The following AGBL1 variants were observed in gnomAD, a reference collection of about 807,000 sequenced individuals.
The protein encoded by AGBL1 is cytosolic carboxypeptidase 4.
In AGBL1, 130 loss-of-function variants were observed where a neutral mutation model predicts 118.9. The ratio of observed to expected loss-of-function variants is 1.09; its 90% CI spans 0.95 to 1.26. The LOEUF (loss-of-function observed/expected upper bound fraction) is 1.26, where lower values mean the gene tolerates loss of function less well. AGBL1 is among the 50% of genes most tolerant of loss of function. The pLI is 0.00. For synonymous variants in AGBL1, 555 were observed against 478.9 expected, an observed-to-expected ratio of 1.16 and a Z score of -2.08; for missense variants, 1,584 against 1,298.1, an observed-to-expected ratio of 1.22 and a Z score of -3.38.
chr15:86,776,023 C>T (rs2078250675), intron 22 of AGBL1, among the ~76,000 whole-genome samples: 1 of 152,258 alleles, frequency 6.6e-6, no homozygotes, highest in East Asian at 1.9e-4. Context: ...GTTTCTTTAG[C>T]AATCCAACCT....
intron 17 of AGBL1, among the ~76,000 whole-genome samples, chr15:86,335,198 G>A (rs976845771): frequency 2.0e-5 from 3 of 151,978 alleles, no homozygotes; most frequent in Admixed American, 2.0e-4. Context: ...GAGTGTAGTG[G>A]CGTGATCTCG....
intron 1 of AGBL1, among the ~76,000 whole-genome samples, chr15:86,092,758 A>G (rs1323107359): frequency 6.6e-6 from 1 of 152,146 alleles, no homozygotes; most frequent in Non-Finnish European, 1.5e-5. Context: ...GATAGAAGGC[A>G]TCACATGATG....
rs149878072 is a variant in AGBL1 at position 86,812,580 on chromosome 15, G to T, written c.3159-94507G>T. 4.9e-3 allele frequency among the ~76,000 whole-genome samples: 742 copies of T among 152,210 alleles called. 4 individuals carry two copies. The highest frequency in any genetic ancestry group is 0.02 in the Middle Eastern group (6 of 294). ...CCCAAGACATGAAATTAGCTAAATGGACAGTGGTGATCCTGGTACGTGCTT... is the reference window on the plus strand; with the variant it reads ...CCCAAGACATGAAATTAGCTAAATGTACAGTGGTGATCCTGGTACGTGCTT... On this transcript the variant is annotated intron_variant, in intron 22 of 22. Transcript: ENST00000614907.
chr15:86,102,086 G>C (rs1399904285), intron 1 of AGBL1, among the ~76,000 whole-genome samples: 2 of 150,572 alleles, frequency 1.3e-5, no homozygotes. Context: ...TCTTGCCCAG[G>C]CTGGAGTGCA....
At chr15:86,622,238 G>T (rs977023772) in intron 21 of AGBL1, among the ~76,000 whole-genome samples, 1 of 151,304 alleles carries the variant, frequency 6.6e-6, no homozygotes, top group African/African-American at 2.4e-5. Context: ...GCTGAGTCAG[G>T]AGAATCTCTT....
intron 1 of AGBL1, among the ~76,000 whole-genome samples, chr15:86,086,765 T>C (rs148391775): frequency 0.012 from 1,851 of 152,294 alleles, 17 homozygotes; most frequent in Non-Finnish European, 0.018. Flanking sequence ...TTGCTTAACT[T>C]TGTGCGATTC....
chr15:86,708,887 A>G (rs910047838), intron 22 of AGBL1, among the ~76,000 whole-genome samples: 2 of 152,058 alleles, frequency 1.3e-5, no homozygotes, highest in Non-Finnish European at 2.9e-5. Context: ...GCCAAGTCCT[A>G]AATCATCCAT....
chr15:86,580,576 T>C (rs775675273), intron 21 of AGBL1, among the ~76,000 whole-genome samples: 4 of 152,160 alleles, frequency 2.6e-5, no homozygotes, highest in Non-Finnish European at 4.4e-5. Flanking sequence ...CTTTTGTTTT[T>C]AGTTGACATA....
At chr15:86,581,669 G>A (rs1261719245) in intron 21 of AGBL1, among the ~76,000 whole-genome samples, 2 of 152,116 alleles carry the variant, frequency 1.3e-5, no homozygotes, top group Non-Finnish European at 2.9e-5. Flanking sequence ...GTTGAGTACA[G>A]CTGTCATGAG....
intron 5 of AGBL1, among the ~76,000 whole-genome samples, chr15:86,224,028 G>C (rs774030791): frequency 6.6e-6 from 1 of 152,182 alleles, no homozygotes; most frequent in South Asian, 2.1e-4. Context: ...AGTCTTGGAA[G>C]TGTGATCTAG....
rs772347188 is a variant in AGBL1 at position 86,264,610 on chromosome 15, C to A, written c.1439C>A (p.Ala480Asp). The A allele has an allele frequency of 9.9e-6, 16 of 1,613,720 alleles. No homozygotes were observed. Among genetic ancestry groups the A allele is most frequent in the East Asian group, 2.2e-5 (1 of 44,894 alleles). ...GCAATTTTCTGCCCAAGGATGAGTG[C>A]CTCCTTTTCTAATTCCACTAGGACT... ...VDAIFCPRMS[A>D]SFSNSTRTRE... Residue 480 changes from alanine to aspartate, a missense_variant, in exon 11 of 23, where the codon GCC becomes GAC. Physicochemically the swap from Ala to Asp is moderately radical, Grantham distance 126 (BLOSUM62 -2). Transcript: ENST00000614907.
intron 22 of AGBL1, among the ~76,000 whole-genome samples, chr15:86,786,934 T>G (rs569119862): frequency 1.3e-4 from 20 of 152,286 alleles, no homozygotes; most frequent in Non-Finnish European, 2.2e-4. Flanking sequence ...CTTCTGGATG[T>G]TGCCAAATTG....
At chr15:86,164,408 G>T (rs1269875737) in intron 5 of AGBL1, among the ~76,000 whole-genome samples, 4 of 152,102 alleles carry the variant, frequency 2.6e-5, no homozygotes, top group Non-Finnish European at 4.4e-5. Flanking sequence ...ATTTATTGAG[G>T]CAGACAGATT....
intron 24 of AGBL1, among the ~76,000 whole-genome samples, chr15:86,997,700 T>C (rs1023361424): frequency 5.9e-5 from 9 of 152,092 alleles, no homozygotes; most frequent in African/African-American, 2.2e-4. Context: ...GATTATTAAA[T>C]TACACAGAGA....
At chr15:86,870,255 T>G (rs1032106969) in intron 22 of AGBL1, among the ~76,000 whole-genome samples, 3 of 151,812 alleles carry the variant, frequency 2.0e-5, no homozygotes, top group African/African-American at 7.3e-5. Flanking sequence ...ATACTTTATC[T>G]CTATTTTTCA....
At chr15:86,970,616 A>T (rs1483516103) in intron 23 of AGBL1, among the ~76,000 whole-genome samples, 1 of 151,912 alleles carries the variant, frequency 6.6e-6, no homozygotes, top group African/African-American at 2.4e-5. Context: ...CATGGTACCT[A>T]GGTTTGATTT....
At chr15:86,586,483 A>G in intron 21 of AGBL1, among the ~76,000 whole-genome samples, 1 of 152,198 alleles carries the variant, frequency 6.6e-6, no homozygotes, top group Non-Finnish European at 1.5e-5. Context: ...ATAGTCGAGT[A>G]ACATGTCCAA....
chr15:86,208,915 C>A (rs947449165), intron 5 of AGBL1, among the ~76,000 whole-genome samples: 4 of 152,100 alleles, frequency 2.6e-5, no homozygotes, highest in Admixed American at 6.5e-5. Context: ...GTTAGGGTGT[C>A]GATTTTAGAT....
intron 21 of AGBL1, among the ~76,000 whole-genome samples, chr15:86,618,241 C>T (rs1428801703): frequency 6.6e-6 from 1 of 152,124 alleles, no homozygotes; most frequent in Admixed American, 6.5e-5. Flanking sequence ...TGCCTTTAAA[C>T]AACTGCAATT....
Sources: allele counts gnomAD v4.1 joint callset (sites outside exome capture counted in the v4.1 genomes callset), GRCh38; gene constraint gnomAD v4.1.1; transcripts MANE v1.5; gene names NCBI Gene and HGNC (gene_info 2026-07-23, HGNC 2026-07-21).